Variants in DESI2 observed in about 807,000 individuals in gnomAD.
The protein encoded by DESI2 is desumoylating isopeptidase 2.
A neutral mutation model predicts 24.1 loss-of-function variants in DESI2; 10 were observed. That is an observed-to-expected ratio of 0.41 (90% CI 0.26 to 0.70). DESI2 has a LOEUF of 0.70. DESI2 is among the 30% of genes least tolerant of loss of function. The probability of loss-of-function intolerance (pLI) is 0.29; values close to 1 mark genes in which losing one functional copy is unlikely to be tolerated. For synonymous variants in DESI2, 71 were observed against 87.7 expected, an observed-to-expected ratio of 0.81 and a Z score of 1.06; for missense variants, 122 against 234.9, an observed-to-expected ratio of 0.52 and a Z score of 3.14.
At position 244,696,350 on chromosome 1, in the gene DESI2, AGT is replaced by A. The variant is rs1366570805; in HGVS notation, c.351+4332_351+4333del. ...TAGAAAAGGCAAGATAGCTGGGCAC[AGT>A]GGCTCACGCCTGTAATCCCAGTACT... On this transcript the variant is annotated intron_variant, in intron 4 of 4. Transcript: ENST00000302550. 1.1e-4 allele frequency among the ~76,000 whole-genome samples: 17 copies of A among 152,308 alleles called. No homozygotes were observed. The South Asian group carries it at 3.5e-3, about 32-fold the overall frequency.
rs1164330647 is a variant in DESI2 at position 244,694,336 on chromosome 1, A to T, written c.351+2316A>T. 1.5e-5 allele frequency: 8 copies of T among 525,112 alleles called. No homozygotes were observed. In the East Asian group the frequency reaches 1.8e-4, roughly 12 times the overall value. 32.5% of individuals were successfully genotyped at this position (525,112 alleles called of 1,614,324 possible). ...AAAGCCAAAAGAGTATTATATGGTG[A>T]CATGTATAAATTATGTAAAGTTCAA... On this transcript the variant is annotated intron_variant, in intron 4 of 4. Coordinates refer to ENST00000302550, the MANE Select transcript of DESI2 (RefSeq NM_016076.5).
At chr1:244,696,365 T>TA (rs1458730417) in intron 4 of DESI2, among the ~76,000 whole-genome samples, 2 of 152,218 alleles carry the variant, frequency 1.3e-5, no homozygotes, top group Non-Finnish European at 2.9e-5. Context: ...CTCACGCCTG[T>TA]AATCCCAGTA....
At chr1:244,683,706 C>T (rs1289108204) in intron 1 of DESI2, among the ~76,000 whole-genome samples, 2 of 151,786 alleles carry the variant, frequency 1.3e-5, no homozygotes, top group Non-Finnish European at 2.9e-5. Context: ...AAGAGCATCA[C>T]ACCTGCCCCA....
chr1:244,695,593 C>T (rs1049580610), intron 4 of DESI2, among the ~76,000 whole-genome samples: 2 of 152,124 alleles, frequency 1.3e-5, no homozygotes, highest in Non-Finnish European at 2.9e-5. Flanking sequence ...GCAGAGGTTG[C>T]AGTGAGCAGA....
chr1:244,669,628 A>G (rs1044782315), intron 1 of DESI2, among the ~76,000 whole-genome samples: 1 of 152,118 alleles, frequency 6.6e-6, no homozygotes, highest in Admixed American at 6.6e-5. Context: ...CGGTGAGCCA[A>G]GATCGCACCA....
At chr1:244,702,175 G>T (rs1677490418) in intron 4 of DESI2, among the ~76,000 whole-genome samples, 1 of 152,164 alleles carries the variant, frequency 6.6e-6, no homozygotes, top group African/African-American at 2.4e-5. Flanking sequence ...AATTCAGGTA[G>T]CAATGCTAAG....
At chr1:244,680,036 T>TAA (rs11439820) in intron 1 of DESI2, among the ~76,000 whole-genome samples, 16 of 142,460 alleles carry the variant, frequency 1.1e-4, no homozygotes, top group East Asian at 4.0e-4. Context: ...TTTTTTTTTT[T>TAA]AAACAAAAAA....
At chr1:244,694,019 T>C (rs545693353) in intron 4 of DESI2, among the ~76,000 whole-genome samples, 31 of 152,364 alleles carry the variant, frequency 2.0e-4, no homozygotes, top group African/African-American at 6.0e-4. Context: ...TGGTATGCTT[T>C]TATATCTTTG....
At position 244,700,270 on chromosome 1, in the gene DESI2, ATTCTCTAAGTGGTTTT is replaced by A. The variant is rs1305675947; in HGVS notation, c.352-5280_352-5265del. 1.8e-4 allele frequency among the ~76,000 whole-genome samples: 28 copies of A among 152,252 alleles called. No individual in the cohort carries two copies. The East Asian group carries it at 5.4e-3, about 29-fold the overall frequency. On this transcript the variant is annotated intron_variant, in intron 4 of 4. Coordinates refer to ENST00000302550, the MANE Select transcript of DESI2 (RefSeq NM_016076.5). ...GGCATCCCTGACACAGTTCCCTAGT[ATTCTCTAAGTGGTTTT>A]TTCTCCCCACAAAATAGTTTTTGTT...
At chr1:244,701,207 TCCCCTCCACCCCCC>T (rs1361538448) in intron 4 of DESI2, among the ~76,000 whole-genome samples, 1 of 39,628 alleles carries the variant, frequency 2.5e-5, no homozygotes, top group African/African-American at 2.4e-4. Flanking sequence ...TGGACCACCT[TCCCCTCCACCCCCC>T]CCCCCCCCCC....
rs113820595 is a variant in DESI2, at chr1:244,665,152, G to A, written c.42+11797G>A. ...TATCAGTTTTGATATTGAATCTTCC[G>A]ATATTAATACCTGATTTTTTTTTTT... On this transcript the variant is annotated intron_variant, in intron 1 of 4. Coordinates refer to ENST00000302550, the MANE Select transcript of DESI2 (RefSeq NM_016076.5). 2.0e-5 allele frequency among the ~76,000 whole-genome samples: 3 copies of A among 151,964 alleles called. 1 individual carries two copies. The highest frequency in any genetic ancestry group is 7.2e-5 in the African/African-American group (3 of 41,424).
Position 244,705,777 on chromosome 1 carries a change from C to T in DESI2, c.573C>T (p.His191=). 6.2e-7 allele frequency: 1 copy of T among 1,608,962 alleles called. No homozygotes were observed. Residue 191 remains histidine, a synonymous_variant, in exon 5 of 5, where the codon CAC becomes CAT. Transcript: ENST00000302550. ...STAAGSRPGR[H]TKL ...CAGCAGGCTCCAGACCCGGGCGCCA[C>T]ACTAAACTATAAATGTCTCCAAAGT...
In DESI2 at chr1:244,707,421, G is replaced by A. The variant is rs1677750439; in HGVS notation, c.*1632G>A. Reference sequence around the variant, plus strand: ...GACTGTTCTGTTTCCAGAGAGGAAAGCCTTTACAAATTACTCTCAGTTCTT... The same window carrying A: ...GACTGTTCTGTTTCCAGAGAGGAAAACCTTTACAAATTACTCTCAGTTCTT... On this transcript the variant is annotated 3_prime_UTR_variant, in exon 5 of 5. Transcript: ENST00000302550. 6.6e-6 allele frequency: 1 copy of A among 152,588 alleles called. No individual in the cohort carries two copies. The highest frequency in any genetic ancestry group is 2.4e-5 in the African/African-American group (1 of 41,438). The allele number at this position is 152,588 out of a possible 1,614,324, so 9.5% of individuals were successfully genotyped here. A position where few individuals can be genotyped will look rare whatever the true frequency, so the allele number is the denominator to read the frequency against.
In DESI2 at chr1:244,707,585, G is replaced by A. The variant is rs1441452641; in HGVS notation, c.*1796G>A. On this transcript the variant is annotated 3_prime_UTR_variant, in exon 5 of 5. Coordinates refer to ENST00000302550, the MANE Select transcript of DESI2 (RefSeq NM_016076.5). ...CAGTGACTTGTTCACTAAAAAGAGA[G>A]AGTCCTGTCCCCAGACGGTTAGTAC... 1 of 152,458 alleles carries A rather than the reference G, an allele frequency of 6.6e-6. No individual in the cohort carries two copies. The highest frequency in any genetic ancestry group is 2.4e-5 in the African/African-American group (1 of 41,458). 9.4% of individuals were successfully genotyped at this position (152,458 alleles called of 1,614,324 possible). A position where few individuals can be genotyped will look rare whatever the true frequency, so the allele number is the denominator to read the frequency against.
At chr1:244,661,883 T>C (rs1235658555) in intron 1 of DESI2, among the ~76,000 whole-genome samples, 2 of 152,232 alleles carry the variant, frequency 1.3e-5, no homozygotes, top group Non-Finnish European at 2.9e-5. Context: ...TGTGCATGTG[T>C]CTTTATAGCA....
chr1:244,703,000 C>CCT (rs1456399408), intron 4 of DESI2, among the ~76,000 whole-genome samples: 1 of 131,638 alleles, frequency 7.6e-6, no homozygotes, highest in African/African-American at 2.9e-5. Context: ...TTTGCCAGCG[C>CCT]TTTTTTTTTT....
At chr1:244,696,482 C>T (rs1197529538) in intron 4 of DESI2, among the ~76,000 whole-genome samples, 1 of 152,046 alleles carries the variant, frequency 6.6e-6, no homozygotes, top group African/African-American at 2.4e-5. Flanking sequence ...TAGCTAGGCA[C>T]GGTGGTGTGT....
chr1:244,669,501 A>G (rs938119578), intron 1 of DESI2, among the ~76,000 whole-genome samples: 1 of 151,996 alleles, frequency 6.6e-6, no homozygotes, highest in Non-Finnish European at 1.5e-5. Flanking sequence ...CAATATGGAG[A>G]AACCCCATCA....
chr1:244,668,501 A>G (rs1431908346), intron 1 of DESI2, among the ~76,000 whole-genome samples: 1 of 152,232 alleles, frequency 6.6e-6, no homozygotes, highest in Non-Finnish European at 1.5e-5. Flanking sequence ...CACTTGCTTC[A>G]ATTCACTCAA....
Sources: allele counts gnomAD v4.1 joint callset (sites outside exome capture counted in the v4.1 genomes callset), GRCh38; gene constraint gnomAD v4.1.1; transcripts MANE v1.5; gene names NCBI Gene and HGNC (gene_info 2026-07-23, HGNC 2026-07-21).